The following TMEM163 variants were observed in gnomAD, a reference collection of about 807,000 sequenced individuals.
TMEM163 encodes the protein transmembrane protein 163.
A neutral mutation model predicts 29.3 loss-of-function variants in TMEM163; 17 were observed. The observed-to-expected ratio is 0.58, with a 90% CI of 0.40 to 0.87. The LOEUF is 0.87. Ranked by LOEUF, TMEM163 falls within the 40% of genes least tolerant of loss-of-function variation. The probability of loss-of-function intolerance (pLI) is 0.00; values close to 1 mark genes in which losing one functional copy is unlikely to be tolerated. For missense variants in TMEM163, 303 were observed against 381.5 expected (o/e 0.79, Z 1.71); for synonymous variants, 157 against 160.6 (o/e 0.98, Z 0.17).
chr2:134,479,483 TA>T (rs1222959959), intron 5 of TMEM163, among the ~76,000 whole-genome samples: 1 of 152,192 alleles, frequency 6.6e-6, no homozygotes, highest in Non-Finnish European at 1.5e-5. Flanking sequence ...TAAAAAGCAT[TA>T]CATCCCAAAT....
intron 4 of TMEM163, among the ~76,000 whole-genome samples, chr2:134,547,923 T>C (rs1298639226): frequency 6.6e-6 from 1 of 152,226 alleles, no homozygotes; most frequent in Non-Finnish European, 1.5e-5. Context: ...TAACAAATGT[T>C]CACACAGATC....
rs1038467412 is a variant in TMEM163, at chr2:134,678,607, G to A, written c.322+34593C>T. ...GCTGAAGGTCAGAGCAGAGGCCCTGGAATCTTCAGACCTGGGCTCAAGGCC... is the reference window on the plus strand; with the variant it reads ...GCTGAAGGTCAGAGCAGAGGCCCTGAAATCTTCAGACCTGGGCTCAAGGCC... On this transcript the variant is annotated intron_variant, in intron 2 of 7. Coordinates refer to ENST00000281924, the MANE Select transcript of TMEM163 (RefSeq NM_030923.5). Among the ~76,000 whole-genome samples, 7 of 152,170 alleles carry A rather than the reference G, an allele frequency of 4.6e-5. No individual in the cohort carries two copies. In the South Asian group the frequency reaches 1.5e-3, roughly 32 times the overall value.
intron 2 of TMEM163, among the ~76,000 whole-genome samples, chr2:134,624,604 A>T (rs1404119981): frequency 6.6e-6 from 1 of 152,160 alleles, no homozygotes; most frequent in East Asian, 1.9e-4. Flanking sequence ...AACTTAAAAT[A>T]AAAATTTTAA....
At chr2:134,623,156 G>C (rs189197966) in intron 2 of TMEM163, among the ~76,000 whole-genome samples, 2 of 152,078 alleles carry the variant, frequency 1.3e-5, no homozygotes, top group African/African-American at 4.8e-5. Context: ...CCCTTCTAAA[G>C]GTTTCTGATG....
At chr2:134,557,242 G>A (rs1681066869) in intron 2 of TMEM163, among the ~76,000 whole-genome samples, 1 of 152,250 alleles carries the variant, frequency 6.6e-6, no homozygotes, top group Non-Finnish European at 1.5e-5. Context: ...TAGCTTTACA[G>A]GCTGCATTGA....
chr2:134,658,743 G>A (rs886801980), intron 2 of TMEM163, among the ~76,000 whole-genome samples: 1 of 151,772 alleles, frequency 6.6e-6, no homozygotes, highest in Non-Finnish European at 1.5e-5. Context: ...GACTACAGGC[G>A]CCCGCCACAA....
chr2:134,573,961 C>G (rs921614778), intron 2 of TMEM163, among the ~76,000 whole-genome samples: 8 of 152,216 alleles, frequency 5.3e-5, no homozygotes, highest in Admixed American at 3.9e-4. Context: ...CTTGCCCAGA[C>G]AGCCATCAGC....
Position 134,594,883 on chromosome 2 carries a change from A to C in TMEM163, c.323-42792T>G, listed in dbSNP as rs992092178. Among the ~76,000 whole-genome samples the C allele has an allele frequency of 1.3e-3, 180 of 134,556 alleles. 3 individuals are homozygous for C. The highest frequency in any genetic ancestry group is 4.7e-3 in the African/African-American group (164 of 35,160). The allele number at this position is 134,556 out of a possible 152,430, so 88.3% of individuals were successfully genotyped here. A position where few individuals can be genotyped will look rare whatever the true frequency, so the allele number is the denominator to read the frequency against. The stretch of plus-strand genomic sequence containing the variant: ...TCTCTCTCTCTCTCTCTCTCTCTCT[A>C]CTTCTCTCTCTCTCCTCTCTCTCAG... On this transcript the variant is annotated intron_variant, in intron 2 of 7. Transcript: ENST00000281924.
chr2:134,574,449 A>G (rs1681500889), intron 2 of TMEM163, among the ~76,000 whole-genome samples: 1 of 152,126 alleles, frequency 6.6e-6, no homozygotes, highest in African/African-American at 2.4e-5. Flanking sequence ...AGTCCCAGCT[A>G]CTCGGAAGGC....
chr2:134,565,959 C>T (rs1319136521), intron 2 of TMEM163, among the ~76,000 whole-genome samples: 2 of 152,100 alleles, frequency 1.3e-5, no homozygotes, highest in Non-Finnish European at 2.9e-5. Flanking sequence ...GTGTCAAAGA[C>T]GGGGCATGAA....
chr2:134,612,163 C>G (rs1682518162), intron 2 of TMEM163, among the ~76,000 whole-genome samples: 1 of 152,172 alleles, frequency 6.6e-6, no homozygotes, highest in Non-Finnish European at 1.5e-5. Context: ...TGAAAAAGCC[C>G]CATTTGCAAG....
chr2:134,599,184 A>T (rs114059740), intron 2 of TMEM163, among the ~76,000 whole-genome samples: 1,872 of 152,252 alleles, frequency 0.012, 46 homozygotes, highest in African/African-American at 0.041. Flanking sequence ...TGGAGGCTAC[A>T]CACTCTGCAT....
chr2:134,666,525 G>A (rs1683876324), intron 2 of TMEM163, among the ~76,000 whole-genome samples: 2 of 152,210 alleles, frequency 1.3e-5, no homozygotes, highest in African/African-American at 4.8e-5. Context: ...CAGCCATGAT[G>A]TGTGAACTTC....
chr2:134,603,634 C>T (rs1197856590), intron 2 of TMEM163, among the ~76,000 whole-genome samples: 5 of 152,182 alleles, frequency 3.3e-5, no homozygotes, highest in African/African-American at 9.7e-5. Context: ...CACACACGCA[C>T]ACACATGCAC....
At chr2:134,566,408 C>T (rs1025901437) in intron 2 of TMEM163, among the ~76,000 whole-genome samples, 3 of 151,946 alleles carry the variant, frequency 2.0e-5, no homozygotes, top group Admixed American at 1.3e-4. Context: ...CTAAAAAACA[C>T]GAAAATTAGC....
At chr2:134,564,536 T>TA (rs1240227286) in intron 2 of TMEM163, among the ~76,000 whole-genome samples, 1 of 152,180 alleles carries the variant, frequency 6.6e-6, no homozygotes, top group Non-Finnish European at 1.5e-5. Context: ...TAAACTGAAC[T>TA]ACATTAAAGA....
Position 134,548,152 on chromosome 2 carries a change from C to T in TMEM163, c.458+2418G>A, listed in dbSNP as rs1574227382. Among the ~76,000 whole-genome samples, 7 of 152,206 alleles carry T rather than the reference C, an allele frequency of 4.6e-5. No homozygotes were observed. In the South Asian group the frequency reaches 1.5e-3, roughly 32 times the overall value. On this transcript the variant is annotated intron_variant, in intron 4 of 7. Coordinates refer to ENST00000281924, the MANE Select transcript of TMEM163 (RefSeq NM_030923.5). Reference sequence around the variant, plus strand: ...GGAAAAACTTTCTCCTTTGAGGGCACTGGCCAATACAAATATAATATAAGC... The same window carrying T: ...GGAAAAACTTTCTCCTTTGAGGGCATTGGCCAATACAAATATAATATAAGC...
At chr2:134,463,274 T>TG (rs1686592750) in intron 6 of TMEM163, among the ~76,000 whole-genome samples, 1 of 152,162 alleles carries the variant, frequency 6.6e-6, no homozygotes. Context: ...CCCAAACCCC[T>TG]GGCCAGGGCC....
intron 4 of TMEM163, among the ~76,000 whole-genome samples, chr2:134,534,941 G>A (rs917527164): frequency 6.6e-6 from 1 of 152,028 alleles, no homozygotes; most frequent in Non-Finnish European, 1.5e-5. Flanking sequence ...GCTCAAAGTC[G>A]GGGTAAGGGG....
Sources: gnomAD v4.1 joint callset for allele counts (sites outside exome capture counted in the v4.1 genomes callset) on GRCh38, gnomAD v4.1.1 for gene constraint, MANE v1.5 for transcripts, NCBI Gene and HGNC (gene_info 2026-07-23, HGNC 2026-07-21) for gene names.